The following PCDH15 variants were observed in gnomAD, a reference collection of about 807,000 sequenced individuals.
The protein encoded by PCDH15 is protocadherin related 15.
A neutral mutation model predicts 178.5 loss-of-function variants in PCDH15; 129 were observed. That is an observed-to-expected ratio of 0.72 (90% CI 0.63 to 0.84). PCDH15 has a LOEUF of 0.84. Among genes scored for constraint, PCDH15 ranks in the 40% least tolerant of loss-of-function variants. The pLI, the probability that PCDH15 is intolerant of heterozygous loss-of-function variation, is 0.00. For synonymous variants in PCDH15, 800 were observed against 732.0 expected (o/e 1.09, Z -1.50); for missense variants, 2,230 against 2,099.9 (o/e 1.06, Z -1.21).
At position 53,807,145 on chromosome 10, in the gene PCDH15, A is replaced by T; in HGVS notation, c.4672-15T>A. 6.4e-7 allele frequency: 1 copy of T among 1,562,088 alleles called. No individual in the cohort carries two copies. The highest frequency in any genetic ancestry group is 8.7e-7 in the Non-Finnish European group (1 of 1,155,606). ...TTTCTTGCCCACTGATAAAATAAACAAAAATATGTGAGTCACTATCAAATA... is the reference window on the plus strand; with the variant it reads ...TTTCTTGCCCACTGATAAAATAAACTAAAATATGTGAGTCACTATCAAATA... On this transcript the variant is annotated splice_polypyrimidine_tract_variant and intron_variant, in intron 37 of 37. Transcript: ENST00000644397.
intron 2 of PCDH15, among the ~76,000 whole-genome samples, chr10:54,936,578 T>C (rs1402407576): frequency 6.6e-6 from 1 of 151,990 alleles, no homozygotes; most frequent in Non-Finnish European, 1.5e-5. Flanking sequence ...ATCACCCTAA[T>C]GAATGCAAAA....
upstream of PCDH15, among the ~76,000 whole-genome samples, chr10:54,806,034 T>C (rs1394722426): frequency 2.0e-5 from 3 of 152,164 alleles, no homozygotes; most frequent in African/African-American, 7.2e-5. Context: ...ATTTGAAACC[T>C]GGAAAATAAA....
intron 2 of PCDH15, among the ~76,000 whole-genome samples, chr10:55,163,386 C>G (rs1839112407): frequency 6.6e-6 from 1 of 152,076 alleles, no homozygotes; most frequent in Admixed American, 6.6e-5. Context: ...AAGTTATATT[C>G]AATATATAAA....
chr10:54,293,208 C>A (rs1347776577), intron 8 of PCDH15, among the ~76,000 whole-genome samples: 2 of 152,126 alleles, frequency 1.3e-5, no homozygotes, highest in Non-Finnish European at 2.9e-5. Context: ...CAAAAACAAG[C>A]AATGGGGAAA....
At chr10:54,664,661 G>T (rs1288335804) in intron 1 of PCDH15, among the ~76,000 whole-genome samples, 1 of 151,920 alleles carries the variant, frequency 6.6e-6, no homozygotes, top group Non-Finnish European at 1.5e-5. Context: ...TTACAACAAA[G>T]TGTAAGATAG....
intron 18 of PCDH15, among the ~76,000 whole-genome samples, chr10:54,062,248 A>AAC (rs1554946691): frequency 3.3e-5 from 4 of 119,930 alleles, no homozygotes; most frequent in African/African-American, 1.5e-4. Flanking sequence ...AAAAAAAAAA[A>AAC]AAAACAAAAA....
chr10:54,895,026 A>G (rs1209716260), intron 3 of PCDH15, among the ~76,000 whole-genome samples: 1 of 152,222 alleles, frequency 6.6e-6, no homozygotes, highest in Non-Finnish European at 1.5e-5. Flanking sequence ...AGAATCAAGA[A>G]TAAAAATTCA....
chr10:54,102,268 A>C (rs573668123), intron 15 of PCDH15, among the ~76,000 whole-genome samples: 1 of 152,268 alleles, frequency 6.6e-6, no homozygotes, highest in Non-Finnish European at 1.5e-5. Context: ...CAGGCCACAC[A>C]ATTTCTTATC....
intron 27 of PCDH15, among the ~76,000 whole-genome samples, chr10:53,858,904 T>C (rs2078928222): frequency 6.6e-6 from 1 of 152,044 alleles, no homozygotes; most frequent in African/African-American, 2.4e-5. Context: ...TATTTTTTGT[T>C]TTATTGTTTT....
upstream of PCDH15, among the ~76,000 whole-genome samples, chr10:55,322,433 G>T (rs1053542666): frequency 2.0e-5 from 3 of 152,168 alleles, no homozygotes; most frequent in African/African-American, 7.2e-5. Context: ...AAGCACATTT[G>T]GAACTGGGTA....
intron 25 of PCDH15, among the ~76,000 whole-genome samples, chr10:53,912,948 G>A (rs2083225624): frequency 6.6e-6 from 1 of 152,060 alleles, no homozygotes; most frequent in African/African-American, 2.4e-5. Flanking sequence ...CTACTTTAAA[G>A]TTCATATGGA....
chr10:53,821,917 A>C (rs2132480527), intron 32 of PCDH15: 1 of 1,613,694 alleles, frequency 6.2e-7, no homozygotes, highest in East Asian at 2.2e-5. Context: ...ATATTGTTCA[A>C]ACTCCCCTTG....
At chr10:55,488,857 T>C (rs1183464674) in intron 2 of PCDH15, among the ~76,000 whole-genome samples, 2 of 151,448 alleles carry the variant, frequency 1.3e-5, no homozygotes, top group Non-Finnish European at 1.5e-5. Flanking sequence ...GTTTTTAAGC[T>C]AAAATGTTAT....
intron 3 of PCDH15, among the ~76,000 whole-genome samples, chr10:54,408,593 A>G (rs564092821): frequency 1.1e-4 from 17 of 152,210 alleles, no homozygotes; most frequent in Non-Finnish European, 1.9e-4. Context: ...ATCAGCTTAC[A>G]CAAAACTTAT....
At chr10:53,861,121 GTTTGT>G (rs2079081677) in intron 27 of PCDH15, among the ~76,000 whole-genome samples, 1 of 151,956 alleles carries the variant, frequency 6.6e-6, no homozygotes, top group African/African-American at 2.4e-5. Context: ...CCTAACTCTG[GTTTGT>G]TTTATCATCT....
chr10:54,073,571 A>G lies in PCDH15; in HGVS notation c.2091+5760T>C, dbSNP rs559616630. On this transcript the variant is annotated intron_variant, in intron 17 of 37. Coordinates refer to ENST00000644397, the MANE Select transcript of PCDH15 (RefSeq NM_001384140.1). ...GAAATAATATTGCTTCAAGACAAAA[A>G]CAAAGATGCTAAGTCTTCTAGCAAT... Among the ~76,000 whole-genome samples, 16 of 152,284 alleles carry G rather than the reference A, an allele frequency of 1.1e-4. No homozygotes were observed. The South Asian group carries it at 3.1e-3, about 30-fold the overall frequency.
intron 2 of PCDH15, among the ~76,000 whole-genome samples, chr10:55,044,424 G>A (rs1840946288): frequency 6.6e-6 from 1 of 152,020 alleles, no homozygotes; most frequent in Non-Finnish European, 1.5e-5. Flanking sequence ...TCAACACTGT[G>A]ACTCCACTTA....
chr10:54,415,375 A>G (rs974162703), intron 3 of PCDH15, among the ~76,000 whole-genome samples: 1 of 152,068 alleles, frequency 6.6e-6, no homozygotes, highest in Non-Finnish European at 1.5e-5. Context: ...TTTTAAAAAT[A>G]GTCAATAGTT....
chr10:55,514,553 G>A (rs1212719947), intron 2 of PCDH15, among the ~76,000 whole-genome samples: 1 of 152,166 alleles, frequency 6.6e-6, no homozygotes, highest in Non-Finnish European at 1.5e-5. Flanking sequence ...AGCGTAGACA[G>A]CCGTGTAAAA....
Sources: gnomAD v4.1 joint callset for allele counts (sites outside exome capture counted in the v4.1 genomes callset) on GRCh38, gnomAD v4.1.1 for gene constraint, MANE v1.5 for transcripts, NCBI Gene and HGNC (gene_info 2026-07-23, HGNC 2026-07-21) for gene names.